CAST: variants seen among roughly 807,000 people sequenced by gnomAD.
CAST encodes MIR583 host.
Under a neutral mutation model 119.6 loss-of-function variants are expected in CAST, and 76 were observed. The observed-to-expected ratio is 0.64, with a 90% CI of 0.53 to 0.77. CAST has a LOEUF of 0.77. Among genes scored for constraint, CAST ranks in the 30% least tolerant of loss-of-function variants. The pLI, the probability that CAST is intolerant of heterozygous loss-of-function variation, is 0.00. For missense variants in CAST, 953 were observed against 946.5 expected (o/e 1.01, Z -0.09); for synonymous variants, 319 against 331.6 (o/e 0.96, Z 0.41).
chr5:96,008,495 C>T, the CAST span, among the ~76,000 whole-genome samples: 1 of 152,206 alleles, frequency 6.6e-6, no homozygotes, highest in Non-Finnish European at 1.5e-5. Context: ...CCTCCAACAA[C>T]CTGGTTACAA....
chr5:96,616,751 T>C (rs554317979), intron 1 of CAST, among the ~76,000 whole-genome samples: 581 of 118,482 alleles, frequency 4.9e-3, no homozygotes, highest in African/African-American at 8.2e-3. Context: ...TCTCTATATA[T>C]ATACACACAC....
the CAST span, among the ~76,000 whole-genome samples, chr5:96,106,312 G>A: frequency 5.3e-5 from 8 of 152,152 alleles, no homozygotes; most frequent in Non-Finnish European, 1.2e-4. Context: ...TAATCGTGAT[G>A]TTAGGGTGTC....
chr5:96,325,958 G>A, the CAST span, among the ~76,000 whole-genome samples: 3 of 152,200 alleles, frequency 2.0e-5, no homozygotes, highest in Non-Finnish European at 4.4e-5. Context: ...CTAAGGGTCT[G>A]CAGAACATTC....
At chr5:96,169,693 G>A in the CAST span, among the ~76,000 whole-genome samples, 4 of 152,058 alleles carry the variant, frequency 2.6e-5, no homozygotes, top group African/African-American at 9.7e-5. Flanking sequence ...GTGCATGATC[G>A]GTCACCAAGG....
chr5:96,665,092 A>G (rs1362747305), intron 1 of CAST, among the ~76,000 whole-genome samples: 3 of 152,182 alleles, frequency 2.0e-5, no homozygotes, highest in Non-Finnish European at 4.4e-5. Flanking sequence ...TTAGAATCCC[A>G]TTTTGGTACT....
chr5:96,652,710 T>A (rs1473911363), intron 1 of CAST, among the ~76,000 whole-genome samples: 1 of 152,208 alleles, frequency 6.6e-6, no homozygotes, highest in Non-Finnish European at 1.5e-5. Context: ...GCACATGGGA[T>A]CATCTTGCCT....
chr5:96,120,384 T>C, the CAST span, among the ~76,000 whole-genome samples: 6 of 152,142 alleles, frequency 3.9e-5, no homozygotes, highest in African/African-American at 1.4e-4. Flanking sequence ...ATTCCAGAGA[T>C]ATTGCCCTGT....
the CAST span, among the ~76,000 whole-genome samples, chr5:96,515,085 T>G: frequency 6.6e-6 from 1 of 152,162 alleles, no homozygotes; most frequent in Non-Finnish European, 1.5e-5. Flanking sequence ...TTTCTCTTTT[T>G]CTGTGGTAGA....
chr5:96,739,988 T>C, intron 11 of CAST, 50 bp from the exon 12 acceptor site: 1 of 838,672 alleles, frequency 1.2e-6, no homozygotes, highest in South Asian at 1.6e-5. Flanking sequence ...CATATAGCAT[T>C]GTCAGGTAAT....
At chr5:96,073,401 G>T in the CAST span, among the ~76,000 whole-genome samples, 1 of 152,118 alleles carries the variant, frequency 6.6e-6, no homozygotes, top group African/African-American at 2.4e-5. Context: ...AATAACTTTT[G>T]CAAATAGAAA....
At chr5:96,566,675 C>A (rs1191292064) in intron 1 of CAST, among the ~76,000 whole-genome samples, 2 of 152,146 alleles carry the variant, frequency 1.3e-5, no homozygotes, top group Non-Finnish European at 2.9e-5. Context: ...AAGTCTAAAA[C>A]TAAAGGAGGG....
the CAST span, chr5:96,410,903 G>A: frequency 2.5e-6 from 4 of 1,613,522 alleles, no homozygotes; most frequent in Admixed American, 3.3e-5. Context: ...TGCTGTCTGT[G>A]TAGCCATCAC....
At chr5:96,735,121 C>G (rs1481219492) in intron 9 of CAST, among the ~76,000 whole-genome samples, 3 of 152,216 alleles carry the variant, frequency 2.0e-5, no homozygotes, top group Non-Finnish European at 4.4e-5. Flanking sequence ...TCTAGCATTG[C>G]AATTGTAACA....
At chr5:96,744,165 C>T (rs1196270878) in intron 16 of CAST, among the ~76,000 whole-genome samples, 2 of 152,190 alleles carry the variant, frequency 1.3e-5, no homozygotes, top group Non-Finnish European at 2.9e-5. Context: ...TTCAGAGTCG[C>T]AGCAAACTAA....
chr5:96,662,577 G>A (rs1358916463), intron 1 of CAST, 80 bp downstream of exon 1: 4 of 1,302,828 alleles, frequency 3.1e-6, no homozygotes, highest in Middle Eastern at 2.9e-4. Context: ...CTCCCTGGGC[G>A]TTGCCAGGCT....
the CAST span, among the ~76,000 whole-genome samples, chr5:96,274,384 G>A: frequency 3.9e-5 from 6 of 152,054 alleles, no homozygotes; most frequent in Non-Finnish European, 7.4e-5. Context: ...TTACAGGCAC[G>A]AGCCACAGCT....
At chr5:95,997,469 A>G in the CAST span, among the ~76,000 whole-genome samples, 1 of 141,018 alleles carries the variant, frequency 7.1e-6, no homozygotes, top group African/African-American at 2.8e-5. Flanking sequence ...AAGCTCAATT[A>G]TTTCTCCAGC....
At chr5:96,375,707 T>G in the CAST span, among the ~76,000 whole-genome samples, 2 of 151,692 alleles carry the variant, frequency 1.3e-5, no homozygotes, top group Non-Finnish European at 2.9e-5. Flanking sequence ...TAATGTGGGT[T>G]GGCCTTACCC....
chr5:96,265,680 G>A, the CAST span, among the ~76,000 whole-genome samples: 3 of 152,114 alleles, frequency 2.0e-5, no homozygotes, highest in Non-Finnish European at 4.4e-5. Flanking sequence ...ACACCCAGAA[G>A]TAATGTTTTA....
Sources: gnomAD v4.1 joint callset for allele counts (sites outside exome capture counted in the v4.1 genomes callset) on GRCh38, gnomAD v4.1.1 for gene constraint, MANE v1.5 for transcripts, NCBI Gene and HGNC (gene_info 2026-07-23, HGNC 2026-07-21) for gene names.